TNIK: variants seen among roughly 807,000 people sequenced by gnomAD.
The protein encoded by TNIK is TRAF2 and NCK interacting kinase.
A neutral mutation model predicts 191.3 loss-of-function variants in TNIK; 49 were observed. The observed-to-expected ratio is 0.26, with a 90% confidence interval of 0.20 to 0.32. The LOEUF (loss-of-function observed/expected upper bound fraction) is 0.32, where lower values mean the gene tolerates loss of function less well. TNIK is among the 10% of genes least tolerant of loss of function. TNIK has a pLI of 1.00. For synonymous variants in TNIK, 594 were observed against 600.9 expected, an observed-to-expected ratio of 0.99 and a Z score of 0.17; for missense variants, 1,155 against 1,702.3, an observed-to-expected ratio of 0.68 and a Z score of 5.66.
At chr3:171,130,962 A>C (rs1171025519) in intron 15 of TNIK, among the ~76,000 whole-genome samples, 1 of 152,188 alleles carries the variant, frequency 6.6e-6, no homozygotes, top group Admixed American at 6.5e-5. Context: ...TGGGCAAAGA[A>C]ACCATTTTTG....
chr3:171,232,334 T>C (rs1235958460), intron 2 of TNIK, among the ~76,000 whole-genome samples: 1 of 149,698 alleles, frequency 6.7e-6, no homozygotes, highest in Non-Finnish European at 1.5e-5. Flanking sequence ...TGGACAAATG[T>C]ATGAATGAAA....
At chr3:171,272,461 T>C (rs1297771720) in intron 2 of TNIK, among the ~76,000 whole-genome samples, 1 of 152,240 alleles carries the variant, frequency 6.6e-6, no homozygotes, top group Admixed American at 6.5e-5. Flanking sequence ...TGGGGAGCCA[T>C]GAAGGAAAAT....
chr3:171,134,345 G>A (rs1400426217), intron 15 of TNIK, among the ~76,000 whole-genome samples: 1 of 152,080 alleles, frequency 6.6e-6, no homozygotes, highest in Non-Finnish European at 1.5e-5. Context: ...GAGTGCAGTG[G>A]TGCAATCATG....
intron 10 of TNIK, among the ~76,000 whole-genome samples, chr3:171,164,604 A>G (rs1734387787): frequency 6.6e-6 from 1 of 152,236 alleles, no homozygotes; most frequent in South Asian, 2.1e-4. Context: ...TGAACCCAGA[A>G]TATGAATCTG....
At chr3:171,351,465 C>A (rs572360113) in intron 2 of TNIK, among the ~76,000 whole-genome samples, 1 of 152,274 alleles carries the variant, frequency 6.6e-6, no homozygotes, top group Non-Finnish European at 1.5e-5. Context: ...GTGTCATCTT[C>A]ATTTTTCATT....
intron 22 of TNIK, among the ~76,000 whole-genome samples, chr3:171,098,440 A>G (rs73037363): frequency 0.015 from 2,304 of 152,240 alleles, 59 homozygotes; most frequent in African/African-American, 0.045. Context: ...TTATTTTTCT[A>G]TGCATGAGGA....
intron 1 of TNIK, among the ~76,000 whole-genome samples, chr3:171,400,091 A>C (rs1026085553): frequency 6.6e-6 from 1 of 152,162 alleles, no homozygotes; most frequent in Non-Finnish European, 1.5e-5. Context: ...CTAGACTCAG[A>C]GTGGACCCGG....
At chr3:171,194,972 A>G (rs1399296772) in intron 4 of TNIK, among the ~76,000 whole-genome samples, 1 of 152,120 alleles carries the variant, frequency 6.6e-6, no homozygotes, top group African/African-American at 2.4e-5. Flanking sequence ...ATTTTCACAT[A>G]AAAGTAGGAT....
intron 7 of TNIK, among the ~76,000 whole-genome samples, chr3:171,179,696 T>C (rs1487619459): frequency 6.6e-6 from 1 of 152,150 alleles, no homozygotes; most frequent in Non-Finnish European, 1.5e-5. Flanking sequence ...GTGATCCACC[T>C]GCCTCAGCCT....
chr3:171,265,001 C>T (rs536870172), intron 2 of TNIK, among the ~76,000 whole-genome samples: 4 of 152,292 alleles, frequency 2.6e-5, no homozygotes, highest in South Asian at 2.1e-4. Flanking sequence ...GTCACCCTTT[C>T]CTTACGGAAC....
intron 12 of TNIK, among the ~76,000 whole-genome samples, chr3:171,150,349 A>T (rs192857422): frequency 6.6e-6 from 1 of 152,220 alleles, no homozygotes; most frequent in Non-Finnish European, 1.5e-5. Context: ...TCAAAATTAC[A>T]AAGGAAGTAA....
At position 171,390,857 on chromosome 3, in the gene TNIK, C is replaced by T. The variant is rs183469409; in HGVS notation, c.58-21172G>A. 1.6e-3 allele frequency among the ~76,000 whole-genome samples: 247 copies of T among 152,286 alleles called. 1 individual carries two copies. The highest frequency in any genetic ancestry group is 3.0e-3 in the Non-Finnish European group (204 of 68,026). On this transcript the variant is annotated intron_variant, in intron 1 of 32. Coordinates refer to ENST00000436636, the MANE Select transcript of TNIK (RefSeq NM_015028.4). ...ACCTGTGCCCATGGATGTTGTGAAC[C>T]TGCTAAAACTAGATACTATGCTTTG... is the stretch of plus-strand genomic sequence containing the variant.
At chr3:171,106,304 T>C (rs1481092504) in intron 21 of TNIK, among the ~76,000 whole-genome samples, 2 of 152,216 alleles carry the variant, frequency 1.3e-5, no homozygotes, top group African/African-American at 4.8e-5. Flanking sequence ...GTTTTTATTC[T>C]CATTTTATGG....
chr3:171,399,322 G>A (rs765414777), intron 1 of TNIK, among the ~76,000 whole-genome samples: 1 of 152,126 alleles, frequency 6.6e-6, no homozygotes, highest in Non-Finnish European at 1.5e-5. Context: ...ACAGGAGCAG[G>A]CAAATTCCCT....
chr3:171,083,861 T>G (rs968782809), intron 26 of TNIK, among the ~76,000 whole-genome samples: 4 of 152,200 alleles, frequency 2.6e-5, no homozygotes, highest in Non-Finnish European at 4.4e-5. Context: ...CTTTGCCCAC[T>G]CAATGTATTC....
rs1172787876 is a variant in TNIK, at chr3:171,316,935, ATTATATGATATATAT to A, written c.123+52670_123+52684del. Among the ~76,000 whole-genome samples, 3 of 116,294 alleles carry A rather than the reference ATTATATGATATATAT, an allele frequency of 2.6e-5. No homozygotes were observed. The Admixed American group carries it at 2.8e-4, about 11-fold the overall frequency. 76.3% of individuals were successfully genotyped at this position (116,294 alleles called of 152,430 possible). The stretch of plus-strand genomic sequence containing the variant: ...TGATATATATCATATAAAATATATA[ATTATATGATATATAT>A]CATATAAAATATATAATTATATGAT... On this transcript the variant is annotated intron_variant, in intron 2 of 32. Transcript: ENST00000436636.
chr3:171,153,512 G>C (rs1250887309), intron 12 of TNIK, among the ~76,000 whole-genome samples: 1 of 152,008 alleles, frequency 6.6e-6, no homozygotes, highest in Non-Finnish European at 1.5e-5. Flanking sequence ...TCTCAAATGT[G>C]TCCACTTTTC....
intron 2 of TNIK, among the ~76,000 whole-genome samples, chr3:171,330,487 T>A (rs1399782891): frequency 6.6e-6 from 1 of 152,200 alleles, no homozygotes; most frequent in Non-Finnish European, 1.5e-5. Flanking sequence ...CTTCTAGAGA[T>A]AGAGTGTATA....
intron 4 of TNIK, among the ~76,000 whole-genome samples, chr3:171,197,809 C>T (rs1020787462): frequency 6.6e-6 from 1 of 152,090 alleles, no homozygotes; most frequent in African/African-American, 2.4e-5. Flanking sequence ...CTATACATTG[C>T]TAATGGTAAT....
Sources: allele counts gnomAD v4.1 joint callset (sites outside exome capture counted in the v4.1 genomes callset), GRCh38; gene constraint gnomAD v4.1.1; transcripts MANE v1.5; gene names NCBI Gene and HGNC (gene_info 2026-07-23, HGNC 2026-07-21).